The following ATP10B variants were observed in gnomAD, a reference collection of about 807,000 sequenced individuals.
ATP10B encodes the protein ATPase phospholipid transporting 10B (putative).
A neutral mutation model predicts 141.2 loss-of-function variants in ATP10B; 122 were observed. That is an observed-to-expected ratio of 0.86 (90% CI 0.75 to 1.00). The LOEUF is 1.00. Ranked by LOEUF, ATP10B falls within the 50% of genes least tolerant of loss-of-function variation. ATP10B has a pLI of 0.00. For synonymous variants in ATP10B, 685 were observed against 692.0 expected (o/e 0.99, Z 0.16); for missense variants, 1,876 against 1,825.3 (o/e 1.03, Z -0.51).
At chr5:160,817,888 A>G (rs549128766) in intron 1 of ATP10B, among the ~76,000 whole-genome samples, 2 of 152,372 alleles carry the variant, frequency 1.3e-5, no homozygotes, top group African/African-American at 4.8e-5. Flanking sequence ...GACAAAAACA[A>G]GAAATGCAGA....
chr5:160,640,838 T>C (rs1464912206), intron 9 of ATP10B, among the ~76,000 whole-genome samples: 3 of 152,232 alleles, frequency 2.0e-5, no homozygotes, highest in Non-Finnish European at 4.4e-5. Context: ...AGAGCTCCCA[T>C]GCACAGGCTA....
At chr5:160,760,076 A>G (rs1768920812) in intron 2 of ATP10B, among the ~76,000 whole-genome samples, 4 of 152,306 alleles carry the variant, frequency 2.6e-5, no homozygotes, top group Admixed American at 2.6e-4. Flanking sequence ...AAGTACCAAG[A>G]GTTTTGGAAT....
At chr5:160,889,230 A>C in the ATP10B span, among the ~76,000 whole-genome samples, 1 of 152,124 alleles carries the variant, frequency 6.6e-6, no homozygotes, top group Non-Finnish European at 1.5e-5. Context: ...TTCCTCATTG[A>C]ATAGATGTTC....
At chr5:160,689,196 C>T (rs1763932423) in intron 3 of ATP10B, among the ~76,000 whole-genome samples, 1 of 152,196 alleles carries the variant, frequency 6.6e-6, no homozygotes, top group Non-Finnish European at 1.5e-5. Context: ...GCTAAAAACT[C>T]TCAATAAACT....
At chr5:160,789,912 T>G (rs1771445026) in intron 1 of ATP10B, among the ~76,000 whole-genome samples, 2 of 152,206 alleles carry the variant, frequency 1.3e-5, no homozygotes, top group African/African-American at 4.8e-5. Flanking sequence ...ATTCATTCAT[T>G]CATGCAAATA....
chr5:160,784,416 T>C (rs901540726), intron 2 of ATP10B, among the ~76,000 whole-genome samples: 2 of 152,340 alleles, frequency 1.3e-5, no homozygotes, highest in East Asian at 1.9e-4. Context: ...TGTTGATGCC[T>C]TTTCAGGCAG....
At chr5:160,910,842 C>A in the ATP10B span, among the ~76,000 whole-genome samples, 92 of 152,260 alleles carry the variant, frequency 6.0e-4, no homozygotes, top group African/African-American at 2.1e-3. Context: ...TATGGCCCCA[C>A]CAAGTTTCAT....
chr5:160,654,695 G>GTCGTCATCGTCA (rs1034778755), intron 7 of ATP10B, among the ~76,000 whole-genome samples: 3 of 152,106 alleles, frequency 2.0e-5, no homozygotes, highest in African/African-American at 7.2e-5. Flanking sequence ...CAAAGTCATT[G>GTCGTCATCGTCA]TCGTCATCGT....
chr5:160,586,770 T>A (rs780283621), intron 24 of ATP10B, among the ~76,000 whole-genome samples: 2 of 152,246 alleles, frequency 1.3e-5, no homozygotes, highest in Non-Finnish European at 2.9e-5. Context: ...ATAAATGTCA[T>A]CTTTTGAGAA....
chr5:160,674,515 CA>C (rs1420153395), intron 6 of ATP10B, among the ~76,000 whole-genome samples: 1 of 152,162 alleles, frequency 6.6e-6, no homozygotes, highest in Admixed American at 6.5e-5. Context: ...TGCTGGATCC[CA>C]AGGAGGTCAC....
intron 1 of ATP10B, among the ~76,000 whole-genome samples, chr5:160,793,481 T>G (rs1193636462): frequency 6.6e-6 from 1 of 152,218 alleles, no homozygotes; most frequent in African/African-American, 2.4e-5. Flanking sequence ...GTATTTATAT[T>G]GTAAATACAG....
At chr5:160,874,710 C>A in the ATP10B span, among the ~76,000 whole-genome samples, 1 of 152,058 alleles carries the variant, frequency 6.6e-6, no homozygotes, top group Non-Finnish European at 1.5e-5. Context: ...GAGCTGAAAA[C>A]CAAGGCTCCA....
At position 160,800,056 on chromosome 5, in the gene ATP10B, C is replaced by T. The variant is rs546115423; in HGVS notation, c.-575-14253G>A. On this transcript the variant is annotated intron_variant, in intron 1 of 25. Coordinates refer to ENST00000327245, the MANE Select transcript of ATP10B (RefSeq NM_025153.3). ...TTACAAGTCTGCAAGCTAAGGAACACCAAGGGTAGCCGGCCATCACCAGAA... is the reference window on the plus strand; with the variant it reads ...TTACAAGTCTGCAAGCTAAGGAACATCAAGGGTAGCCGGCCATCACCAGAA... Among the ~76,000 whole-genome samples, 466 of 152,234 alleles carry T rather than the reference C, an allele frequency of 3.1e-3. 2 individuals carry two copies. Among genetic ancestry groups the T allele is most frequent in the Non-Finnish European group, 3.5e-3 (238 of 68,018 alleles).
chr5:160,851,312 T>G lies in ATP10B; in HGVS notation c.-576+629A>C, dbSNP rs139566699. 2.7e-4 allele frequency among the ~76,000 whole-genome samples: 41 copies of G among 152,338 alleles called. No individual in the cohort carries two copies. In the East Asian group the frequency reaches 6.6e-3, roughly 24 times the overall value. ...AGGGATAGTGTCACTCCAGCCTTAA[T>G]AGCAGGCCACAGGACTGTCCTAAAT... On this transcript the variant is annotated intron_variant, in intron 1 of 25. Coordinates refer to ENST00000327245, the MANE Select transcript of ATP10B (RefSeq NM_025153.3).
At chr5:160,671,700 A>G (rs1762712842) in intron 6 of ATP10B, among the ~76,000 whole-genome samples, 1 of 152,230 alleles carries the variant, frequency 6.6e-6, no homozygotes, top group Non-Finnish European at 1.5e-5. Flanking sequence ...AGCATTTCTT[A>G]CCTGCCAAGC....
At chr5:160,908,784 C>T in the ATP10B span, among the ~76,000 whole-genome samples, 2 of 152,118 alleles carry the variant, frequency 1.3e-5, no homozygotes, top group Non-Finnish European at 2.9e-5. Context: ...CATCTTCATT[C>T]CTCTGCTGAG....
chr5:160,805,263 T>G (rs1168069490), intron 1 of ATP10B, among the ~76,000 whole-genome samples: 1 of 152,244 alleles, frequency 6.6e-6, no homozygotes, highest in Admixed American at 6.5e-5. Flanking sequence ...TTGAAATTTA[T>G]GTGCTGATGA....
chr5:160,851,409 A>G (rs1440501814), intron 1 of ATP10B, among the ~76,000 whole-genome samples: 2 of 152,020 alleles, frequency 1.3e-5, no homozygotes, highest in Non-Finnish European at 2.9e-5. Flanking sequence ...ATACTTAGGG[A>G]AAAAACACAT....
chr5:160,627,459 T>C (rs1292041355), intron 13 of ATP10B, among the ~76,000 whole-genome samples: 1 of 152,244 alleles, frequency 6.6e-6, no homozygotes, highest in East Asian at 1.9e-4. Flanking sequence ...TGAAAGGCTC[T>C]TCTAAAGAAA....
Sources: allele counts gnomAD v4.1 joint callset (sites outside exome capture counted in the v4.1 genomes callset), GRCh38; gene constraint gnomAD v4.1.1; transcripts MANE v1.5; gene names NCBI Gene and HGNC (gene_info 2026-07-23, HGNC 2026-07-21).